DCDC2: variants seen among roughly 807,000 people sequenced by gnomAD.
The protein encoded by DCDC2 is doublecortin domain-containing protein 2.
A neutral mutation model predicts 50.2 loss-of-function variants in DCDC2; 40 were observed. That is an observed-to-expected ratio of 0.80 (90% CI 0.62 to 1.04). The LOEUF is 1.04. DCDC2 is among the 50% of genes least tolerant of loss of function. The probability of loss-of-function intolerance (pLI) is 0.00; values close to 1 mark genes in which losing one functional copy is unlikely to be tolerated. For synonymous variants in DCDC2, 234 were observed against 210.6 expected, an observed-to-expected ratio of 1.11 and a Z score of -0.96; for missense variants, 570 against 581.9, an observed-to-expected ratio of 0.98 and a Z score of 0.21.
intron 7 of DCDC2, among the ~76,000 whole-genome samples, chr6:24,230,879 A>G (rs1295384498): frequency 6.6e-6 from 1 of 152,246 alleles, no homozygotes; most frequent in Non-Finnish European, 1.5e-5. Context: ...ATCTTCTACC[A>G]CTATCTTCAT....
intron 2 of DCDC2, among the ~76,000 whole-genome samples, chr6:24,305,305 C>T (rs1459495773): frequency 6.6e-6 from 1 of 152,120 alleles, no homozygotes; most frequent in Non-Finnish European, 1.5e-5. Context: ...TCATGATTAA[C>T]CAGTTGAATT....
chr6:24,220,879 A>AGAGCGAGAGAGCGAGAGAGCGAGCGAGC, intron 7 of DCDC2, among the ~76,000 whole-genome samples: 2 of 106,976 alleles, frequency 1.9e-5, no homozygotes, highest in Non-Finnish European at 3.7e-5. Flanking sequence ...CAAGAGAGCG[A>AGAGCGAGAGAGCGAGAGAGCGAGCGAGC]GAGCGAGAGA....
At chr6:24,228,804 C>T (rs11751311) in intron 7 of DCDC2, among the ~76,000 whole-genome samples, 2 of 152,138 alleles carry the variant, frequency 1.3e-5, no homozygotes, top group African/African-American at 2.4e-5. Context: ...TTTGTGAGCT[C>T]GTGGTCACTG....
chr6:24,322,184 G>C (rs1759784422), intron 2 of DCDC2, among the ~76,000 whole-genome samples: 1 of 152,102 alleles, frequency 6.6e-6, no homozygotes, highest in African/African-American at 2.4e-5. Context: ...GCACTGAACA[G>C]GGAACATAAT....
In DCDC2 at chr6:24,231,342, A is replaced by G. The variant is rs527616158; in HGVS notation, c.923-26240T>C. Reference sequence around the variant, plus strand: ...CTAGGCCCTGGGTACCATTATATGCAGGATGTGCTTTCTGAGACCCAGGCC... The same window carrying G: ...CTAGGCCCTGGGTACCATTATATGCGGGATGTGCTTTCTGAGACCCAGGCC... On this transcript the variant is annotated intron_variant, in intron 7 of 9. Transcript: ENST00000378454. Among the ~76,000 whole-genome samples, 16 of 152,310 alleles carry G rather than the reference A, an allele frequency of 1.1e-4. 1 individual carries two copies. Among genetic ancestry groups the G allele is most frequent in the Admixed American group, 7.8e-4 (12 of 15,302 alleles).
chr6:24,323,492 G>T (rs537951595), intron 2 of DCDC2, among the ~76,000 whole-genome samples: 165 of 152,170 alleles, frequency 1.1e-3, no homozygotes, highest in Middle Eastern at 0.01. Context: ...GGCTATGTAG[G>T]ACATTAACAA....
the DCDC2 span, among the ~76,000 whole-genome samples, chr6:24,376,596 G>A: frequency 8.5e-4 from 130 of 152,156 alleles, no homozygotes; most frequent in African/African-American, 3.0e-3. Context: ...AAATTTGGAC[G>A]GAGAAGTCTA....
chr6:24,290,301 T>C (rs989307129), intron 5 of DCDC2, among the ~76,000 whole-genome samples: 1 of 152,122 alleles, frequency 6.6e-6, no homozygotes, highest in Admixed American at 6.5e-5. Context: ...CCCAGAGCTC[T>C]TCTTGAGTGA....
At chr6:24,219,927 G>C (rs1359987969) in intron 7 of DCDC2, among the ~76,000 whole-genome samples, 1 of 152,166 alleles carries the variant, frequency 6.6e-6, no homozygotes, top group Non-Finnish European at 1.5e-5. Flanking sequence ...ACCAGAACTT[G>C]CTTCCGAGGA....
upstream of DCDC2, among the ~76,000 whole-genome samples, chr6:24,359,626 G>A (rs1157707697): frequency 2.2e-5 from 3 of 139,184 alleles, no homozygotes; most frequent in African/African-American, 8.2e-5. Context: ...TCCGGGTACC[G>A]TGACTCATGC....
At chr6:24,336,769 G>C (rs1325042395) in intron 2 of DCDC2, among the ~76,000 whole-genome samples, 1 of 150,562 alleles carries the variant, frequency 6.6e-6, no homozygotes. Flanking sequence ...AGTAAACCCT[G>C]TCTTATTTCA....
intron 7 of DCDC2, among the ~76,000 whole-genome samples, chr6:24,231,198 T>C (rs1020283799): frequency 1.3e-5 from 2 of 152,196 alleles, no homozygotes; most frequent in African/African-American, 2.4e-5. Context: ...GACCTTTCCT[T>C]ATTTCTGCAT....
At chr6:24,311,006 A>G (rs1442595066) in intron 2 of DCDC2, among the ~76,000 whole-genome samples, 3 of 152,128 alleles carry the variant, frequency 2.0e-5, no homozygotes, top group African/African-American at 7.2e-5. Flanking sequence ...TCCTGCCTCT[A>G]GCATCTTTCC....
the DCDC2 span, among the ~76,000 whole-genome samples, chr6:24,382,817 A>C: frequency 6.6e-6 from 1 of 152,162 alleles, no homozygotes; most frequent in African/African-American, 2.4e-5. Flanking sequence ...TTAGATGGCC[A>C]AGTGTCTGAC....
rs151210854 is a variant in DCDC2 at position 24,318,683 on chromosome 6, C to T, written c.349-16639G>A. ...ATGTCTTCCTGTGTCTGAGTAGTTACGCTTAAGATAATGGCTTCCAGTTCC... is the reference window on the plus strand; with the variant it reads ...ATGTCTTCCTGTGTCTGAGTAGTTATGCTTAAGATAATGGCTTCCAGTTCC... On this transcript the variant is annotated intron_variant, in intron 2 of 9. Transcript: ENST00000378454. Among the ~76,000 whole-genome samples the T allele has an allele frequency of 5.9e-5, 9 of 152,046 alleles. No individual in the cohort carries two copies. In the East Asian group the frequency reaches 1.4e-3, roughly 23 times the overall value.
chr6:24,375,489 G>C, the DCDC2 span, among the ~76,000 whole-genome samples: 933 of 151,940 alleles, frequency 6.1e-3, 14 homozygotes, highest in African/African-American at 0.02. Flanking sequence ...TAGGAGATAC[G>C]TATATATATA....
chr6:24,225,945 T>C (rs1463038290), intron 7 of DCDC2, among the ~76,000 whole-genome samples: 2 of 152,222 alleles, frequency 1.3e-5, no homozygotes, highest in African/African-American at 4.8e-5. Context: ...CACACCATTG[T>C]GAACCATTTA....
chr6:24,193,462 G>A (rs1761353404), intron 8 of DCDC2, among the ~76,000 whole-genome samples: 1 of 152,186 alleles, frequency 6.6e-6, no homozygotes, highest in Non-Finnish European at 1.5e-5. Flanking sequence ...GAAGATTTCA[G>A]TATCACTGAA....
At chr6:24,268,033 T>C (rs986995654) in intron 7 of DCDC2, among the ~76,000 whole-genome samples, 16 of 152,170 alleles carry the variant, frequency 1.1e-4, no homozygotes, top group Non-Finnish European at 1.9e-4. Flanking sequence ...CAGATGCTCC[T>C]CAGTAATAGG....
Sources: gnomAD v4.1 joint callset for allele counts (sites outside exome capture counted in the v4.1 genomes callset) on GRCh38, gnomAD v4.1.1 for gene constraint, MANE v1.5 for transcripts, NCBI Gene and HGNC (gene_info 2026-07-23, HGNC 2026-07-21) for gene names.